Variants in CDC20B observed in about 807,000 individuals in gnomAD.
The protein encoded by CDC20B is cell division cycle 20B, also known as cell division cycle protein 20 homolog B.
In CDC20B, 58 loss-of-function variants were observed where a neutral mutation model predicts 64.1. The observed-to-expected ratio is 0.90, with a 90% confidence interval of 0.73 to 1.13. CDC20B has a LOEUF of 1.13. Among genes scored for constraint, CDC20B ranks in the 50% most tolerant of loss-of-function variants. The pLI is 0.00. For missense variants in CDC20B, 597 were observed against 633.0 expected, an observed-to-expected ratio of 0.94 and a Z score of 0.61; for synonymous variants, 243 against 230.6, an observed-to-expected ratio of 1.05 and a Z score of -0.49.
chr5:55,114,083 C>A lies in CDC20B; in HGVS notation c.*135G>T. 1.5e-6 allele frequency: 2 copies of A among 1,374,940 alleles called. No homozygotes were observed. Among genetic ancestry groups the A allele is most frequent in the Admixed American group, 3.0e-5 (1 of 33,552 alleles). The allele number at this position is 1,374,940 out of a possible 1,614,324, so 85.2% of individuals were successfully genotyped here. On this transcript the variant is annotated 3_prime_UTR_variant, in exon 12 of 12. Coordinates refer to ENST00000381375, the MANE Select transcript of CDC20B (RefSeq NM_001170402.1). The surrounding 1 kb of genome is among the most constrained non-coding windows in gnomAD (Gnocchi z 4.1). ...AGTAAAGCAATCTGCAAAAGAAGAACAGGAGAACAGGCATTCACATCAAGA... is the reference window on the plus strand; with the variant it reads ...AGTAAAGCAATCTGCAAAAGAAGAAAAGGAGAACAGGCATTCACATCAAGA...
At chr5:55,170,316 G>A (rs1744555737) in intron 2 of CDC20B, among the ~76,000 whole-genome samples, 1 of 152,138 alleles carries the variant, frequency 6.6e-6, no homozygotes, top group Non-Finnish European at 1.5e-5. Context: ...AAAATTTTTA[G>A]TTATGGAAAA....
At chr5:55,121,343 C>T (rs529508833) in intron 9 of CDC20B, among the ~76,000 whole-genome samples, 6 of 152,142 alleles carry the variant, frequency 3.9e-5, no homozygotes, top group East Asian at 3.9e-4. Flanking sequence ...CAGTTTTCCA[C>T]GTTTTAATAG....
intron 11 of CDC20B, among the ~76,000 whole-genome samples, chr5:55,116,622 A>G (rs1742632711): frequency 6.6e-6 from 1 of 152,056 alleles, no homozygotes; most frequent in Non-Finnish European, 1.5e-5. Context: ...TAATTTTTGT[A>G]ATTTTTCTAG....
intron 2 of CDC20B, among the ~76,000 whole-genome samples, chr5:55,153,741 G>A (rs1190270449): frequency 3.3e-5 from 5 of 152,286 alleles, no homozygotes; most frequent in Non-Finnish European, 4.4e-5. Flanking sequence ...GGACAGAATA[G>A]AATTCAGAAT....
chr5:55,117,235 G>A (rs180807084), intron 11 of CDC20B, among the ~76,000 whole-genome samples: 4 of 152,114 alleles, frequency 2.6e-5, no homozygotes, highest in African/African-American at 9.6e-5. Context: ...AGGTGGGTGA[G>A]GTCTCTTTAA....
chr5:55,151,014 AG>A (rs2111900815), intron 2 of CDC20B, among the ~76,000 whole-genome samples: 1 of 152,260 alleles, frequency 6.6e-6, no homozygotes, highest in South Asian at 2.1e-4. Flanking sequence ...CAAAAGTGCT[AG>A]GATTACAAGT....
intron 6 of CDC20B, among the ~76,000 whole-genome samples, chr5:55,131,773 A>T (rs1027985605): frequency 6.6e-6 from 1 of 152,186 alleles, no homozygotes; most frequent in Non-Finnish European, 1.5e-5. Flanking sequence ...GGAAAGAAAG[A>T]GGGCTGTGCG....
chr5:55,115,119 A>G (rs1348002887), intron 11 of CDC20B, among the ~76,000 whole-genome samples: 2 of 152,202 alleles, frequency 1.3e-5, no homozygotes, highest in East Asian at 3.8e-4. Context: ...AAACTGAAGC[A>G]GCTTAATGAA....
chr5:55,143,958 G>T (rs1743401681), intron 3 of CDC20B, among the ~76,000 whole-genome samples: 1 of 149,316 alleles, frequency 6.7e-6, no homozygotes, highest in African/African-American at 2.5e-5. Flanking sequence ...GACTTCATTT[G>T]CTGCAGCAGC....
At chr5:55,152,629 C>G (rs931382572) in intron 2 of CDC20B, among the ~76,000 whole-genome samples, 1 of 152,138 alleles carries the variant, frequency 6.6e-6, no homozygotes, top group East Asian at 1.9e-4. Context: ...AGTGCACAAC[C>G]CTCACAACCA....
Position 55,113,244 on chromosome 5 carries a change from C to T in CDC20B, c.*974G>A, listed in dbSNP as rs762915719. The T allele has an allele frequency of 1.3e-5, 2 of 152,172 alleles. No homozygotes were observed. The highest frequency in any genetic ancestry group is 2.4e-5 in the African/African-American group (1 of 41,436). The allele number at this position is 152,172 out of a possible 1,614,324, so 9.4% of individuals were successfully genotyped here. ...AATTAACATTCAAAAGACAGAACAG[C>T]GAACTGATCAAGTTTGAAGGAACCT... On this transcript the variant is annotated 3_prime_UTR_variant, in exon 12 of 12. Transcript: ENST00000381375.
intron 5 of CDC20B, among the ~76,000 whole-genome samples, chr5:55,139,368 C>T (rs1743267252): frequency 1.3e-5 from 2 of 152,012 alleles, no homozygotes; most frequent in Admixed American, 6.6e-5. Context: ...ATGAAAAGTC[C>T]CAGAAGACAA....
At chr5:55,131,487 G>A (rs1258401069) in intron 6 of CDC20B, among the ~76,000 whole-genome samples, 3 of 152,114 alleles carry the variant, frequency 2.0e-5, no homozygotes, top group Non-Finnish European at 1.5e-5. Context: ...GAGAAAGAGT[G>A]AACAAAAGAC....
At chr5:55,163,906 G>C (rs1744229737) in intron 2 of CDC20B, 2 of 509,986 alleles carry the variant, frequency 3.9e-6, no homozygotes, top group Non-Finnish European at 6.5e-6. Flanking sequence ...CTAACCTTGA[G>C]TTTCACTTCG....
intron 2 of CDC20B, among the ~76,000 whole-genome samples, chr5:55,149,546 T>C (rs1014369450): frequency 2.0e-5 from 3 of 152,214 alleles, no homozygotes; most frequent in African/African-American, 7.2e-5. Context: ...GAGTTGCTGA[T>C]ACATGTCATA....
chr5:55,136,096 A>G (rs1377719946), intron 5 of CDC20B: 1 of 152,018 alleles, frequency 6.6e-6, no homozygotes, highest in Non-Finnish European at 1.5e-5. Flanking sequence ...GGCACCCGCC[A>G]CCACGCCTGG....
chr5:55,140,458 C>T, intron 4 of CDC20B, 51 bp from the exon 5 acceptor site: 1 of 1,230,206 alleles, frequency 8.1e-7, no homozygotes, highest in African/African-American at 1.5e-5. Context: ...CATACATGTA[C>T]AACTAAAATG....
intron 2 of CDC20B, among the ~76,000 whole-genome samples, chr5:55,171,635 C>T (rs983299045): frequency 6.6e-6 from 1 of 152,104 alleles, no homozygotes; most frequent in African/African-American, 2.4e-5. Flanking sequence ...CAGGGTCTGG[C>T]TCTGTCCTCC....
intron 2 of CDC20B, among the ~76,000 whole-genome samples, chr5:55,156,886 T>C (rs1743823834): frequency 6.6e-6 from 1 of 152,092 alleles, no homozygotes; most frequent in Non-Finnish European, 1.5e-5. Context: ...AAAATAATAA[T>C]AATAAATAAA....
Sources: gnomAD v4.1 joint callset for allele counts (sites outside exome capture counted in the v4.1 genomes callset) on GRCh38, gnomAD v4.1.1 for gene constraint, Gnocchi (gnomAD v3.1) non-coding constraint, MANE v1.5 for transcripts, NCBI Gene and HGNC (gene_info 2026-07-23, HGNC 2026-07-21) for gene names.